The following EBAG9 variants were observed in gnomAD, a reference collection of about 807,000 sequenced individuals.
EBAG9 encodes estrogen receptor binding site associated antigen 9.
In EBAG9, 16 loss-of-function variants were observed where a neutral mutation model predicts 30.9. That is an observed-to-expected ratio of 0.52 (90% CI 0.35 to 0.79). The LOEUF (loss-of-function observed/expected upper bound fraction) is 0.79, where lower values mean the gene tolerates loss of function less well. Ranked by LOEUF, EBAG9 falls within the 30% of genes least tolerant of loss-of-function variation. The pLI, the probability that EBAG9 is intolerant of heterozygous loss-of-function variation, is 0.01. For synonymous variants in EBAG9, 93 were observed against 82.8 expected, an observed-to-expected ratio of 1.12 and a Z score of -0.67; for missense variants, 197 against 242.1, an observed-to-expected ratio of 0.81 and a Z score of 1.24.
intron 6 of EBAG9, chr8:109,563,631 G>T (rs1821752721): frequency 2.3e-6 from 3 of 1,320,102 alleles, no homozygotes; most frequent in Middle Eastern, 2.5e-4. Flanking sequence ...GGATGTGCAG[G>T]TTTGTTACAC....
chr8:109,543,750 G>A (rs1821326582), intron 1 of EBAG9, among the ~76,000 whole-genome samples: 1 of 152,112 alleles, frequency 6.6e-6, no homozygotes, highest in Non-Finnish European at 1.5e-5. Flanking sequence ...AAAAGCATGG[G>A]CTGGGCATGG....
intron 2 of EBAG9, among the ~76,000 whole-genome samples, chr8:109,553,081 A>C (rs935298299): frequency 2.0e-5 from 3 of 151,082 alleles, no homozygotes; most frequent in African/African-American, 7.3e-5. Context: ...TTTTTTTTAT[A>C]GATTATTTGA....
At chr8:109,540,033 C>T (rs951458211), upstream of EBAG9, 1 of 152,948 alleles carries the variant, frequency 6.5e-6, no homozygotes, top group African/African-American at 2.4e-5. Flanking sequence ...GGCCCTCCGC[C>T]TAGCCGCGCA....
intron 4 of EBAG9, 86 bp downstream of exon 4, chr8:109,554,973 G>A: frequency 7.6e-7 from 1 of 1,317,586 alleles, no homozygotes. Context: ...ACATTTATTA[G>A]AAAGCCTATT....
chr8:109,554,511 A>G (rs1821556708), intron 3 of EBAG9, among the ~76,000 whole-genome samples: 1 of 152,158 alleles, frequency 6.6e-6, no homozygotes, highest in African/African-American at 2.4e-5. Flanking sequence ...TTTTTGATGG[A>G]CATAATAGAA....
intron 5 of EBAG9, among the ~76,000 whole-genome samples, chr8:109,560,481 C>T (rs1586694911): frequency 6.6e-6 from 1 of 152,202 alleles, no homozygotes; most frequent in South Asian, 2.1e-4. Context: ...AGTTTCTTGT[C>T]ACTCTATCCC....
At chr8:109,562,044 A>G (rs1379648663) in intron 6 of EBAG9, among the ~76,000 whole-genome samples, 1 of 152,038 alleles carries the variant, frequency 6.6e-6, no homozygotes, top group Non-Finnish European at 1.5e-5. Flanking sequence ...TATAACACTT[A>G]GGATATTGCA....
chr8:109,553,704 C>CT (rs374069269), intron 2 of EBAG9, among the ~76,000 whole-genome samples, 161 bp from the exon 3 acceptor site: 1,604 of 152,104 alleles, frequency 0.011, 23 homozygotes, highest in African/African-American at 0.033. Flanking sequence ...TGATTTATGA[C>CT]TTTTTTTTAC....
At position 109,550,790 on chromosome 8, in the gene EBAG9, G is replaced by T. The variant is rs1380810677; in HGVS notation, c.-15-20G>T. 2 of 1,449,904 alleles carry T rather than the reference G, an allele frequency of 1.4e-6. No individual in the cohort carries two copies. Among genetic ancestry groups the T allele is most frequent in the African/African-American group, 1.4e-5 (1 of 71,194 alleles). The allele number at this position is 1,449,904 out of a possible 1,614,324, so 89.8% of individuals were successfully genotyped here. A position where few individuals can be genotyped will look rare whatever the true frequency, so the allele number is the denominator to read the frequency against. On this transcript the variant is annotated intron_variant, in intron 1 of 6. Coordinates refer to ENST00000337573, the MANE Select transcript of EBAG9 (RefSeq NM_004215.5). Reference sequence around the variant, plus strand: ...TTGAAATCAATTTAATGCATTTTTTGTTTTGTGCCTCTTCCACAGGTTTTG... The same window carrying T: ...TTGAAATCAATTTAATGCATTTTTTTTTTTGTGCCTCTTCCACAGGTTTTG...
chr8:109,543,885 G>C (rs1821330436), intron 1 of EBAG9, among the ~76,000 whole-genome samples: 1 of 151,968 alleles, frequency 6.6e-6, no homozygotes, highest in African/African-American at 2.4e-5. Flanking sequence ...ACAAAAATTA[G>C]CGGGTGTGGT....
intron 4 of EBAG9, among the ~76,000 whole-genome samples, chr8:109,555,838 A>G (rs1310371846): frequency 1.3e-5 from 2 of 152,148 alleles, no homozygotes; most frequent in Non-Finnish European, 2.9e-5. Context: ...CTTTTTTTAA[A>G]TCAAAAACTG....
At chr8:109,550,511 A>G (rs1195914427) in intron 1 of EBAG9, 1 of 222,266 alleles carries the variant, frequency 4.5e-6, no homozygotes, top group Non-Finnish European at 8.7e-6. Context: ...AATATATTCT[A>G]TTTTATACTT....
At chr8:109,550,630 C>A in intron 1 of EBAG9, 180 bp from the exon 2 acceptor site, 1 of 466,692 alleles carries the variant, frequency 2.1e-6, no homozygotes, top group Non-Finnish European at 3.7e-6. Context: ...ACTCGAAAAC[C>A]TGGTTTTTGA....
At chr8:109,555,545 G>A (rs2022934) in intron 4 of EBAG9, among the ~76,000 whole-genome samples, 78,446 of 151,930 alleles carry the variant, frequency 0.52, 22,867 homozygotes, top group African/African-American at 0.8. Context: ...CTAGACTCCA[G>A]TCTCTGCCAT....
intron 3 of EBAG9, 135 bp downstream of exon 3, chr8:109,554,078 G>T: frequency 1.7e-6 from 1 of 581,112 alleles, no homozygotes; most frequent in Non-Finnish European, 2.8e-6. Flanking sequence ...AAATTTATCT[G>T]GTCTGAAAAT....
chr8:109,545,321 CAAAAAAA>C (rs540899914), intron 1 of EBAG9, among the ~76,000 whole-genome samples: 938 of 37,796 alleles, frequency 0.025, 20 homozygotes, highest in African/African-American at 0.08. Flanking sequence ...GACTGTGTCT[CAAAAAAA>C]AAAAAAAAAA....
At position 109,557,005 on chromosome 8, in the gene EBAG9, T is replaced by G; in HGVS notation, c.392T>G (p.Leu131Ter). 1.2e-6 allele frequency: 2 copies of G among 1,607,862 alleles called. No homozygotes were observed. Among genetic ancestry groups the G allele is most frequent in the East Asian group, 2.2e-5 (1 of 44,538 alleles). The change falls in exon 5 of 7, where the codon TTA becomes TGA. Residue 131 changes from leucine to a stop codon, truncating the protein, a stop_gained. Transcript: ENST00000337573. LOFTEE classifies it high-confidence loss of function. The stretch of plus-strand genomic sequence containing the variant: ...GGGAGCACAGGTTTCTCTAGTAGAT[T>G]AGCAGCTACACAAGATCTGCCTTTT... ...PDGSTGFSSR[L>*]AATQDLPFIH...
At chr8:109,539,784 A>T (rs1821231265), upstream of EBAG9, 1 of 151,974 alleles carries the variant, frequency 6.6e-6, no homozygotes, top group African/African-American at 2.4e-5. Context: ...GCTTTGAATG[A>T]GCGGGGCTGG....
chr8:109,559,549 C>A (rs529050537), intron 5 of EBAG9, among the ~76,000 whole-genome samples: 1 of 152,250 alleles, frequency 6.6e-6, no homozygotes, highest in South Asian at 2.1e-4. Flanking sequence ...CAGTGGCTCA[C>A]ACTTGTAATC....
Sources: allele counts gnomAD v4.1 joint callset (sites outside exome capture counted in the v4.1 genomes callset), GRCh38; gene constraint gnomAD v4.1.1; transcripts MANE v1.5; gene names NCBI Gene and HGNC (gene_info 2026-07-23, HGNC 2026-07-21).